The following PLA2G15 variants were observed in gnomAD, a reference collection of about 807,000 sequenced individuals.
PLA2G15 encodes the protein lysosomal phospholipase A and acyltransferase.
A neutral mutation model predicts 40.9 loss-of-function variants in PLA2G15; 20 were observed. The ratio of observed to expected loss-of-function variants is 0.49; its 90% CI spans 0.34 to 0.71. PLA2G15 has a LOEUF of 0.71. PLA2G15 is among the 30% of genes least tolerant of loss of function. The pLI is 0.01. For missense variants in PLA2G15, 471 were observed against 541.9 expected (o/e 0.87, Z 1.30); for synonymous variants, 223 against 228.2 (o/e 0.98, Z 0.21).
In PLA2G15 at chr16:68,255,144, GTC is replaced by G; in HGVS notation, c.403+111_403+112del. 1.0e-6 allele frequency: 1 copy of G among 997,178 alleles called. No individual in the cohort carries two copies. The highest frequency in any genetic ancestry group is 1.6e-6 in the Non-Finnish European group (1 of 626,944). The allele number at this position is 997,178 out of a possible 1,614,324, so 61.8% of individuals were successfully genotyped here. A position where few individuals can be genotyped will look rare whatever the true frequency, so the allele number is the denominator to read the frequency against. ...GGTTTGTAGGGACAGCCTGTGAGCTGTCTCTGATCAGCGTGGGCACAGAGCCC... is the reference window on the plus strand; with the variant it reads ...GGTTTGTAGGGACAGCCTGTGAGCTGTCTGATCAGCGTGGGCACAGAGCCC... On this transcript the variant is annotated intron_variant, in intron 3 of 5. Transcript: ENST00000219345. The surrounding 1 kb of genome is among the most constrained non-coding windows in gnomAD (Gnocchi z 5.9).
In PLA2G15 at chr16:68,255,989, A is replaced by C. The variant is rs773165864; in HGVS notation, c.726A>C (p.Ser242=). Reference sequence around the variant, plus strand: ...CCAAGACCCTGCGCGTCCTGGCTTCAGGTAAGACCCTACCTGGCCCAGCGT... The same window carrying C: ...CCAAGACCCTGCGCGTCCTGGCTTCCGGTAAGACCCTACCTGGCCCAGCGT... ...GVAKTLRVLA[S]GDNNRIPVIG... The change falls in exon 5 of 6, where the codon TCA becomes TCC. Residue 242 remains serine (S), a splice_region_variant and synonymous_variant. Transcript: ENST00000219345. The surrounding 1 kb of genome is among the most constrained non-coding windows in gnomAD (Gnocchi z 5.9). 2.9e-5 allele frequency: 46 copies of C among 1,592,714 alleles called. No individual in the cohort carries two copies. The highest frequency in any genetic ancestry group is 3.9e-5 in the Non-Finnish European group (46 of 1,165,742).
intron 2 of PLA2G15, 24 bp downstream of exon 2, chr16:68,249,470 G>C (rs373631017): frequency 6.8e-6 from 11 of 1,611,482 alleles, no homozygotes; most frequent in Non-Finnish European, 9.3e-6. Flanking sequence ...CACACAGAGG[G>C]GGGTGCTGCT....
chr16:68,257,477 G>A (rs942011060), intron 5 of PLA2G15, among the ~76,000 whole-genome samples: 8 of 152,280 alleles, frequency 5.3e-5, no homozygotes, highest in South Asian at 2.1e-4. Context: ...CTCCTCCCCC[G>A]TCTTTTCATG....
intron 2 of PLA2G15, among the ~76,000 whole-genome samples, chr16:68,253,770 G>A (rs1487722839): frequency 6.7e-6 from 1 of 149,400 alleles, no homozygotes; most frequent in East Asian, 2.0e-4. Flanking sequence ...GCTCACTGCA[G>A]CCTCAATATC....
intron 5 of PLA2G15, among the ~76,000 whole-genome samples, chr16:68,256,746 A>C (rs1234943897): frequency 6.6e-6 from 1 of 151,838 alleles, no homozygotes; most frequent in Non-Finnish European, 1.5e-5. Context: ...CTGACCTCAG[A>C]TGTTCCACTC....
chr16:68,257,927 G>A, intron 5 of PLA2G15, among the ~76,000 whole-genome samples: 1 of 152,178 alleles, frequency 6.6e-6, no homozygotes, highest in Non-Finnish European at 1.5e-5. Context: ...GTGCGGGGAG[G>A]TGGAAGTCCG....
Position 68,259,763 on chromosome 16 carries a change from C to G in PLA2G15, c.*106C>G. On this transcript the variant is annotated 3_prime_UTR_variant, in exon 6 of 6. Coordinates refer to ENST00000219345, the MANE Select transcript of PLA2G15 (RefSeq NM_012320.4). This position sits in a 1 kb window ranked among gnomAD's most constrained non-coding sequence, Gnocchi z 6.5. ...AAAGTTTGTGACTCACCATTCAAGGCCCCGAGTCTTGGACTGTGAAGCATC... is the reference window on the plus strand; with the variant it reads ...AAAGTTTGTGACTCACCATTCAAGGGCCCGAGTCTTGGACTGTGAAGCATC... 9.6e-7 allele frequency: 1 copy of G among 1,043,222 alleles called. No individual in the cohort carries two copies. Among genetic ancestry groups the G allele is most frequent in the Non-Finnish European group, 1.4e-6 (1 of 716,836 alleles). The allele number at this position is 1,043,222 out of a possible 1,614,324, so 64.6% of individuals were successfully genotyped here.
intron 2 of PLA2G15, chr16:68,253,437 C>T (rs1377921218): frequency 6.8e-6 from 3 of 437,980 alleles, no homozygotes; most frequent in South Asian, 3.3e-5. Flanking sequence ...AGTGCAGTGG[C>T]GCAATCTCGG....
At chr16:68,257,966 G>A (rs1286080422) in intron 5 of PLA2G15, among the ~76,000 whole-genome samples, 1 of 152,180 alleles carries the variant, frequency 6.6e-6, no homozygotes, top group Admixed American at 6.5e-5. Flanking sequence ...CCTTGCCTCA[G>A]GGGTCCCCCA....
chr16:68,247,912 T>A (rs541358695), intron 1 of PLA2G15, among the ~76,000 whole-genome samples: 1 of 151,972 alleles, frequency 6.6e-6, no homozygotes, highest in South Asian at 2.1e-4. Flanking sequence ...TCAATGGGAG[T>A]AACGAGACTG....
chr16:68,256,318 A>C (rs955814942), intron 5 of PLA2G15: 1 of 232,242 alleles, frequency 4.3e-6, no homozygotes, highest in Non-Finnish European at 8.4e-6. Flanking sequence ...GATGTGTTGA[A>C]CATTGAAGGA....
chr16:68,249,252 C>T (rs1055638865), intron 1 of PLA2G15, 38 bp from the exon 2 acceptor site: 12 of 1,602,006 alleles, frequency 7.5e-6, no homozygotes, highest in African/African-American at 1.3e-5. Flanking sequence ...TTGAACCTGC[C>T]GGGCTGAGGG....
At chr16:68,256,106 G>T (rs1375682190) in intron 5 of PLA2G15, 116 bp downstream of exon 5, 1 of 656,616 alleles carries the variant, frequency 1.5e-6, no homozygotes, top group Non-Finnish European at 2.6e-6. Context: ...GGTGTGTGGG[G>T]TCTATGCAAA....
At chr16:68,253,381 T>C in intron 2 of PLA2G15, 1 of 432,714 alleles carries the variant, frequency 2.3e-6, no homozygotes, top group Non-Finnish European at 4.6e-6. Context: ...TTTGTTTGTT[T>C]GTTTGTTTTT....
At chr16:68,250,461 CAG>C (rs1352381025) in intron 2 of PLA2G15, 2 of 227,384 alleles carry the variant, frequency 8.8e-6, no homozygotes, top group African/African-American at 4.8e-5. Context: ...TTAGTAGAGA[CAG>C]GGTTTCACCG....
intron 1 of PLA2G15, chr16:68,248,646 C>T: frequency 1.3e-6 from 1 of 749,756 alleles, no homozygotes; most frequent in Non-Finnish European, 1.7e-6. Context: ...CTCGGCCTCC[C>T]AAAGTGCTGG....
intron 2 of PLA2G15, among the ~76,000 whole-genome samples, chr16:68,251,526 A>C (rs1714261716): frequency 6.6e-6 from 1 of 152,026 alleles, no homozygotes; most frequent in Non-Finnish European, 1.5e-5. Context: ...CTAAAAATGC[A>C]AAAATTAAGG....
At position 68,255,471 on chromosome 16, in the gene PLA2G15, C is replaced by T. The variant is rs2042393092; in HGVS notation, c.502+91C>T. The T allele has an allele frequency of 1.3e-5, 11 of 844,422 alleles. No individual in the cohort carries two copies. In the East Asian group the frequency reaches 2.3e-4, roughly 18 times the overall value. 52.3% of individuals were successfully genotyped at this position (844,422 alleles called of 1,614,324 possible). A position where few individuals can be genotyped will look rare whatever the true frequency, so the allele number is the denominator to read the frequency against. ...CACAGACCTTGGGCTCTCCCCTTGT[C>T]CTTGGCTGTCTCCTGTCCCTGGGCC... On this transcript the variant is annotated intron_variant, in intron 4 of 5. Transcript: ENST00000219345. The surrounding 1 kb of genome is among the most constrained non-coding windows in gnomAD (Gnocchi z 5.9).
chr16:68,255,091 C>A lies in PLA2G15; in HGVS notation c.403+54C>A. 8.6e-7 allele frequency: 1 copy of A among 1,169,092 alleles called. No individual in the cohort carries two copies. The highest frequency in any genetic ancestry group is 1.3e-6 in the Non-Finnish European group (1 of 777,556). The allele number at this position is 1,169,092 out of a possible 1,614,324, so 72.4% of individuals were successfully genotyped here. A position where few individuals can be genotyped will look rare whatever the true frequency, so the allele number is the denominator to read the frequency against. On this transcript the variant is annotated intron_variant, in intron 3 of 5. Transcript: ENST00000219345. This position sits in a 1 kb window ranked among gnomAD's most constrained non-coding sequence, Gnocchi z 5.9. ...GAGCTGGGATGGGGTTTCTGCCGGA[C>A]TGGAGCTGGAGCTGGAGGAACTCTG...
Sources: allele counts gnomAD v4.1 joint callset (sites outside exome capture counted in the v4.1 genomes callset), GRCh38; gene constraint gnomAD v4.1.1; non-coding constraint Gnocchi (gnomAD v3.1); transcripts MANE v1.5; gene names NCBI Gene and HGNC (gene_info 2026-07-23, HGNC 2026-07-21).